Variants in UNC13B observed in about 807,000 individuals in gnomAD.
UNC13B encodes the protein protein unc-13 homolog B.
In UNC13B, 144 loss-of-function variants were observed where a neutral mutation model predicts 211.0. The ratio of observed to expected loss-of-function variants is 0.68; its 90% CI spans 0.60 to 0.78. The LOEUF is 0.78. Ranked by LOEUF, UNC13B falls within the 30% of genes least tolerant of loss-of-function variation. The pLI is 0.00. For synonymous variants in UNC13B, 709 were observed against 725.8 expected, an observed-to-expected ratio of 0.98 and a Z score of 0.37; for missense variants, 1,777 against 2,002.0, an observed-to-expected ratio of 0.89 and a Z score of 2.14.
At position 35,295,798 on chromosome 9, in the gene UNC13B, A is replaced by C; in HGVS notation, c.629A>C (p.Asn210Thr). ...CCTTACCATACAGCTTCCCAGCCCA[A>C]CGCTTCTGTGCACCAGTTCCCTGTG... ...PPPYHTASQPNASVHQFPVPV... is the reference protein window; with the variant it reads ...PPPYHTASQPTASVHQFPVPV... The change falls in exon 8 of 40, where the codon AAC (asparagine) becomes ACC (threonine). Residue 210 changes from asparagine to threonine, a missense_variant. Asn to Thr is a moderately conservative substitution (Grantham distance 65). Coordinates refer to ENST00000635942, the MANE Select transcript of UNC13B (RefSeq NM_001371189.2). 6.2e-7 allele frequency: 1 copy of C among 1,614,086 alleles called. No individual in the cohort carries two copies. Among genetic ancestry groups the C allele is most frequent in the African/African-American group, 1.3e-5 (1 of 75,006 alleles).
At chr9:35,397,840 C>A in intron 30 of UNC13B, 128 bp downstream of exon 30, 3 of 958,512 alleles carry the variant, frequency 3.1e-6, no homozygotes, top group Non-Finnish European at 4.7e-6. Context: ...CATGGCTTTG[C>A]TTCAGATCCA....
chr9:35,396,981 C>T (rs1564196770), intron 28 of UNC13B, 44 bp downstream of exon 28: 3 of 1,611,266 alleles, frequency 1.9e-6, no homozygotes, highest in Non-Finnish European at 2.5e-6. Context: ...GCCAGGTCTC[C>T]CAGCAATTAG....
intron 1 of UNC13B, among the ~76,000 whole-genome samples, chr9:35,224,242 TAC>T (rs1172252667): frequency 1.3e-5 from 2 of 152,318 alleles, no homozygotes; most frequent in East Asian, 3.9e-4. Flanking sequence ...CTTTGGATAA[TAC>T]AGTCATTTTA....
intron 11 of UNC13B, among the ~76,000 whole-genome samples, chr9:35,339,880 G>A (rs762528069): frequency 3.3e-5 from 5 of 152,196 alleles, no homozygotes; most frequent in Non-Finnish European, 7.4e-5. Context: ...GAAGAAGTAG[G>A]TTCTTTTAGC....
At chr9:35,234,096 T>G (rs372500997) in intron 3 of UNC13B, among the ~76,000 whole-genome samples, 1 of 152,200 alleles carries the variant, frequency 6.6e-6, no homozygotes, top group Non-Finnish European at 1.5e-5. Flanking sequence ...ATATTATATA[T>G]GTATCCCCAA....
intron 7 of UNC13B, chr9:35,290,968 G>T (rs1439905572): frequency 8.4e-7 from 1 of 1,196,444 alleles, no homozygotes; most frequent in East Asian, 2.5e-5. Context: ...GCTTAAGTAA[G>T]GTAAGGCACA....
At chr9:35,207,637 A>C (rs1022974073) in intron 1 of UNC13B, among the ~76,000 whole-genome samples, 6 of 152,014 alleles carry the variant, frequency 3.9e-5, no homozygotes, top group African/African-American at 1.4e-4. Flanking sequence ...GCCTGGCCTC[A>C]TTGGCCATTT....
At chr9:35,167,856 G>GC (rs1821128523) in intron 1 of UNC13B, among the ~76,000 whole-genome samples, 1 of 150,782 alleles carries the variant, frequency 6.6e-6, no homozygotes, top group Admixed American at 6.6e-5. Flanking sequence ...GCCCTCCTCG[G>GC]CCCCCCAGAG....
At chr9:35,198,278 A>T (rs963827619) in intron 1 of UNC13B, among the ~76,000 whole-genome samples, 2 of 152,088 alleles carry the variant, frequency 1.3e-5, no homozygotes, top group African/African-American at 2.4e-5. Context: ...GTGAGTGAGT[A>T]AGTTCTCTTG....
At chr9:35,206,332 A>G (rs946425134) in intron 1 of UNC13B, among the ~76,000 whole-genome samples, 1 of 152,074 alleles carries the variant, frequency 6.6e-6, no homozygotes, top group Non-Finnish European at 1.5e-5. Flanking sequence ...TACTTCCAAA[A>G]TTTTTTCATC....
At chr9:35,342,318 A>G in intron 11 of UNC13B, 1 of 985,614 alleles carries the variant, frequency 1.0e-6, no homozygotes, top group Non-Finnish European at 1.2e-6. Flanking sequence ...TAATTTCCTT[A>G]ACCCTTATTT....
At chr9:35,279,014 G>T (rs1285550004) in intron 7 of UNC13B, among the ~76,000 whole-genome samples, 3 of 152,084 alleles carry the variant, frequency 2.0e-5, no homozygotes, top group African/African-American at 7.2e-5. Context: ...TAGGGAACAG[G>T]TTCATAATAA....
Position 35,375,113 on chromosome 9 carries a change from A to G in UNC13B, c.9541-14A>G, listed in dbSNP as rs1249530939. ...TGGCAGTGGTCAGGGCTAACAGCAG[A>G]TCTTCCCTGACAGTCACTGGTCCAG... On this transcript the variant is annotated splice_polypyrimidine_tract_variant and intron_variant, in intron 13 of 39. Coordinates refer to ENST00000635942, the MANE Select transcript of UNC13B (RefSeq NM_001371189.2). 2 of 1,614,008 alleles carry G rather than the reference A, an allele frequency of 1.2e-6. No individual in the cohort carries two copies. The highest frequency in any genetic ancestry group is 1.1e-5 in the South Asian group (1 of 91,072).
At chr9:35,388,598 T>C (rs1039960613) in intron 24 of UNC13B, among the ~76,000 whole-genome samples, 2 of 152,150 alleles carry the variant, frequency 1.3e-5, no homozygotes, top group Non-Finnish European at 2.9e-5. Flanking sequence ...TGATAATAAT[T>C]TCTACTAAAT....
intron 7 of UNC13B, among the ~76,000 whole-genome samples, chr9:35,289,136 G>A (rs550737361): frequency 8.4e-4 from 128 of 152,270 alleles, no homozygotes; most frequent in Middle Eastern, 6.8e-3. Flanking sequence ...TCGGAATAAA[G>A]TAAGTGCCTA....
intron 7 of UNC13B, among the ~76,000 whole-genome samples, chr9:35,276,068 G>T (rs1828157224): frequency 6.6e-6 from 1 of 152,112 alleles, no homozygotes; most frequent in Non-Finnish European, 1.5e-5. Flanking sequence ...CACTTTGGGA[G>T]GCTGAAGTGG....
Position 35,403,200 on chromosome 9 carries a change from C to T in UNC13B, c.12518C>T (p.Ser4173Phe). 6.2e-7 allele frequency: 1 copy of T among 1,614,166 alleles called. No homozygotes were observed. Among genetic ancestry groups the T allele is most frequent in the African/African-American group, 1.3e-5 (1 of 75,052 alleles). Residue 4173 changes from serine (S) to phenylalanine (F), a missense_variant, in exon 38 of 40, where the codon TCT (serine) becomes TTT (phenylalanine). By Grantham distance (155) the Ser-to-Phe change is radical (BLOSUM62 -2). Transcript: ENST00000635942. ...GTGGACGATCCTGTGGGAGAAGTCT[C>T]TATTCAGGTGGACTTGTTTACACAC... is the stretch of plus-strand genomic sequence containing the variant. ...SGVDDPVGEV[S>F]IQVDLFTHPG...
rs116449092 is a variant in UNC13B, at chr9:35,240,242, C to T, written c.394+2416C>T. 9.2e-3 allele frequency among the ~76,000 whole-genome samples: 1,405 copies of T among 152,290 alleles called. 26 individuals carry two copies. Among genetic ancestry groups the T allele is most frequent in the African/African-American group, 0.032 (1,350 of 41,566 alleles). ...TCTGTTCAGGGTCCCTGACTTCCCG[C>T]AACAGTATCTTGTTTTAGTTTAGTT... On this transcript the variant is annotated intron_variant, in intron 5 of 39. Transcript: ENST00000635942.
At chr9:35,182,658 G>A (rs1389680256) in intron 1 of UNC13B, among the ~76,000 whole-genome samples, 3 of 151,994 alleles carry the variant, frequency 2.0e-5, no homozygotes, top group Admixed American at 6.6e-5. Flanking sequence ...CTTGAGATTA[G>A]GGAGTGGTGA....
Sources: gnomAD v4.1 joint callset for allele counts (sites outside exome capture counted in the v4.1 genomes callset) on GRCh38, gnomAD v4.1.1 for gene constraint, MANE v1.5 for transcripts, NCBI Gene and HGNC (gene_info 2026-07-23, HGNC 2026-07-21) for gene names.